MAP2: variants seen among roughly 807,000 people sequenced by gnomAD.
The protein encoded by MAP2 is microtubule associated protein 2, also known as microtubule-associated protein 2.
In MAP2, 14 loss-of-function variants were observed where a neutral mutation model predicts 137.6. The observed-to-expected ratio is 0.10, with a 90% CI of 0.07 to 0.16. The LOEUF (loss-of-function observed/expected upper bound fraction) is 0.16. MAP2 is among the 10% of genes least tolerant of loss of function. The pLI is 1.00. For missense variants in MAP2, 2,088 were observed against 2,191.5 expected (o/e 0.95, Z 0.94); for synonymous variants, 786 against 782.3 (o/e 1.00, Z -0.08).
chr2:209,713,612 A>G (rs1185348409), intron 13 of MAP2, among the ~76,000 whole-genome samples: 2 of 152,202 alleles, frequency 1.3e-5, no homozygotes, highest in Admixed American at 6.5e-5. Context: ...AAACTGCTCT[A>G]TGTAGCTAGC....
rs550373247 is a variant in MAP2, at chr2:209,553,741, G to A, written c.-171-26295G>A. 7.4e-4 allele frequency among the ~76,000 whole-genome samples: 112 copies of A among 152,238 alleles called. 1 individual carries two copies. Among genetic ancestry groups the A allele is most frequent in the African/African-American group, 2.6e-3 (106 of 41,542 alleles). On this transcript the variant is annotated intron_variant, in intron 2 of 15. Transcript: ENST00000682079. ...TTATTTAATTTGTCCTCATCCCTAA[G>A]TGGCGTATTTGAGAATGTTATCATT... is the stretch of plus-strand genomic sequence containing the variant.
chr2:209,590,264 A>G (rs541318138), intron 3 of MAP2, among the ~76,000 whole-genome samples: 8 of 152,040 alleles, frequency 5.3e-5, no homozygotes, highest in Non-Finnish European at 1.2e-4. Context: ...AGTGGCTCTC[A>G]TTTGCTATCT....
chr2:209,506,271 A>G (rs544906318), intron 1 of MAP2, among the ~76,000 whole-genome samples: 1 of 152,270 alleles, frequency 6.6e-6, no homozygotes, highest in East Asian at 1.9e-4. Context: ...TGCCCTTAGG[A>G]TTAAAAATCA....
chr2:209,583,769 A>ACT, intron 3 of MAP2, among the ~76,000 whole-genome samples: 1 of 148,458 alleles, frequency 6.7e-6, no homozygotes, highest in South Asian at 2.2e-4. Flanking sequence ...GACATAAATG[A>ACT]TTTTTTTTTT....
chr2:209,635,585 G>C (rs192436840), intron 4 of MAP2, among the ~76,000 whole-genome samples: 54 of 152,246 alleles, frequency 3.5e-4, no homozygotes, highest in Non-Finnish European at 6.2e-4. Context: ...GAGGGTAGCA[G>C]TGCACCTGGT....
intron 10 of MAP2, 148 bp from the exon 11 acceptor site, chr2:209,700,129 T>C (rs894188522): frequency 1.7e-6 from 1 of 604,746 alleles, no homozygotes; most frequent in Admixed American, 2.9e-5. Context: ...TCATGTTACT[T>C]GAGTTATTGA....
intron 2 of MAP2, among the ~76,000 whole-genome samples, chr2:209,549,417 C>T (rs2068720325): frequency 6.6e-6 from 1 of 152,074 alleles, no homozygotes. Context: ...AACTGTACTC[C>T]CTCCATTAAT....
intron 1 of MAP2, among the ~76,000 whole-genome samples, chr2:209,442,362 C>T (rs1383492021): frequency 6.6e-6 from 1 of 151,464 alleles, no homozygotes; most frequent in Non-Finnish European, 1.5e-5. Context: ...TAGGGGCCCC[C>T]AAGACATTGA....
intron 3 of MAP2, among the ~76,000 whole-genome samples, chr2:209,616,790 T>G (rs1473658138): frequency 6.6e-6 from 1 of 152,114 alleles, no homozygotes; most frequent in Non-Finnish European, 1.5e-5. Flanking sequence ...TGTCTGAAAA[T>G]AGACAGTGGG....
intron 2 of MAP2, among the ~76,000 whole-genome samples, chr2:209,560,482 T>A (rs2071767650): frequency 1.4e-5 from 1 of 73,286 alleles, no homozygotes; most frequent in Non-Finnish European, 2.1e-5. Flanking sequence ...TTTGAGATTC[T>A]TTTTTTTTTT....
intron 5 of MAP2, among the ~76,000 whole-genome samples, chr2:209,667,362 A>T (rs1344907582): frequency 1.3e-5 from 2 of 152,044 alleles, no homozygotes; most frequent in Non-Finnish European, 2.9e-5. Context: ...ACAAACTCAC[A>T]TAAAATATTT....
chr2:209,533,883 A>G (rs1439752514), intron 2 of MAP2, among the ~76,000 whole-genome samples: 1 of 152,172 alleles, frequency 6.6e-6, no homozygotes, highest in Non-Finnish European at 1.5e-5. Context: ...AAGAGAGTTG[A>G]CAAAGCAAAA....
chr2:209,598,859 T>G (rs989529907), intron 3 of MAP2, among the ~76,000 whole-genome samples: 1 of 150,978 alleles, frequency 6.6e-6, no homozygotes, highest in African/African-American at 2.4e-5. Flanking sequence ...GGTGGACATT[T>G]GGGTTGGTTC....
rs1485459156 is a variant in MAP2, at chr2:209,695,989, C to T, written c.3819C>T (p.Cys1273=). The part of the protein sequence containing the change: ...SGAREEFVET[C]PSEHKGVIES... ...CCAGGGAGGAATTTGTGGAGACCTG[C>T]CCAAGTGAACACAAAGGAGTGATTG... is the stretch of plus-strand genomic sequence containing the variant. Residue 1273 remains cysteine (C), a synonymous_variant, in exon 8 of 16, where the codon TGC becomes TGT. Coordinates refer to ENST00000682079, the MANE Select transcript of MAP2 (RefSeq NM_001375505.1). 6.2e-7 allele frequency: 1 copy of T among 1,613,940 alleles called. No homozygotes were observed. The highest frequency in any genetic ancestry group is 1.7e-5 in the Admixed American group (1 of 59,992).
intron 2 of MAP2, among the ~76,000 whole-genome samples, chr2:209,514,062 GC>G (rs896558367): frequency 5.3e-5 from 8 of 152,182 alleles, no homozygotes; most frequent in African/African-American, 1.9e-4. Flanking sequence ...GATTCTGGAA[GC>G]CTTGTATTTC....
intron 3 of MAP2, among the ~76,000 whole-genome samples, chr2:209,585,266 A>T (rs74743866): frequency 6.6e-6 from 1 of 151,906 alleles, no homozygotes; most frequent in Non-Finnish European, 1.5e-5. Context: ...AAAAAAAAAA[A>T]GCAAAGAAAG....
chr2:209,598,368 T>C (rs2081953512), intron 3 of MAP2, among the ~76,000 whole-genome samples: 1 of 152,164 alleles, frequency 6.6e-6, no homozygotes, highest in South Asian at 2.1e-4. Flanking sequence ...ACAGAATAGG[T>C]GCTCAGACAA....
At chr2:209,567,362 T>TC (rs1186539768) in intron 2 of MAP2, among the ~76,000 whole-genome samples, 3 of 152,038 alleles carry the variant, frequency 2.0e-5, no homozygotes, top group African/African-American at 7.2e-5. Context: ...TTGACTATGT[T>TC]CCCCATTACT....
intron 2 of MAP2, among the ~76,000 whole-genome samples, chr2:209,549,565 C>CCAGATA (rs1244192483): frequency 6.6e-6 from 1 of 152,068 alleles, no homozygotes; most frequent in Admixed American, 6.6e-5. Flanking sequence ...TGGAAAAATA[C>CCAGATA]TTTGTAAAAG....
Sources: gnomAD v4.1 joint callset for allele counts (sites outside exome capture counted in the v4.1 genomes callset) on GRCh38, gnomAD v4.1.1 for gene constraint, MANE v1.5 for transcripts, NCBI Gene and HGNC (gene_info 2026-07-23, HGNC 2026-07-21) for gene names.